Variants in CCDC85A observed in about 807,000 individuals in gnomAD.
CCDC85A encodes coiled-coil domain-containing protein 85A.
Under a neutral mutation model 50.2 loss-of-function variants are expected in CCDC85A, and 38 were observed. The observed-to-expected ratio is 0.76, with a 90% confidence interval of 0.58 to 0.99. The LOEUF (loss-of-function observed/expected upper bound fraction) is 0.99. Among genes scored for constraint, CCDC85A ranks in the 50% least tolerant of loss-of-function variants. CCDC85A has a pLI of 0.00. For missense variants in CCDC85A, 820 were observed against 742.0 expected (o/e 1.11, Z -1.22); for synonymous variants, 366 against 301.4 (o/e 1.21, Z -2.22).
At chr2:56,271,254 T>G (rs1670682856) in intron 2 of CCDC85A, among the ~76,000 whole-genome samples, 1 of 152,142 alleles carries the variant, frequency 6.6e-6, no homozygotes, top group African/African-American at 2.4e-5. Flanking sequence ...ATAATTTGAG[T>G]AATGAATTGC....
intron 3 of CCDC85A, among the ~76,000 whole-genome samples, chr2:56,348,935 A>T (rs1461828717): frequency 6.6e-6 from 1 of 152,012 alleles, no homozygotes; most frequent in Non-Finnish European, 1.5e-5. Flanking sequence ...GCTCTTTTAG[A>T]GTTGGAATTG....
intron 2 of CCDC85A, among the ~76,000 whole-genome samples, chr2:56,326,054 G>T (rs1251797352): frequency 6.6e-6 from 1 of 152,036 alleles, no homozygotes; most frequent in African/African-American, 2.4e-5. Flanking sequence ...ACTTGGTGCC[G>T]ATCAAATTCT....
intron 2 of CCDC85A, among the ~76,000 whole-genome samples, chr2:56,314,727 A>G (rs965931720): frequency 1.1e-4 from 17 of 152,270 alleles, no homozygotes; most frequent in South Asian, 1.0e-3. Flanking sequence ...CTGCCATTTG[A>G]GCATACCCAT....
At chr2:56,269,992 G>A (rs955898310) in intron 2 of CCDC85A, among the ~76,000 whole-genome samples, 1 of 152,172 alleles carries the variant, frequency 6.6e-6, no homozygotes, top group Non-Finnish European at 1.5e-5. Flanking sequence ...CACAGTAGTG[G>A]CATTGCCAAG....
chr2:56,248,123 A>G (rs1440646524), intron 2 of CCDC85A, among the ~76,000 whole-genome samples: 2 of 152,216 alleles, frequency 1.3e-5, no homozygotes, highest in Non-Finnish European at 1.5e-5. Flanking sequence ...TAGATGTCTC[A>G]ATTTCTGGAA....
chr2:56,192,750 C>G lies in CCDC85A; in HGVS notation c.550C>G (p.Arg184Gly), dbSNP rs759658736. Reference sequence around the variant, plus strand: ...GAAGGGTGCAGGCTGCGCAGGCAGCCGCTGCTCCATCGACAGCCAGGCCAG... The same window carrying G: ...GAAGGGTGCAGGCTGCGCAGGCAGCGGCTGCTCCATCGACAGCCAGGCCAG... ...EEKGAGCAGS[R>G]CSIDSQASLC... Residue 184 changes from arginine (R) to glycine (G), a missense_variant, in exon 2 of 6, where the codon CGC (arginine) becomes GGC (glycine). Coordinates refer to ENST00000407595, the MANE Select transcript of CCDC85A (RefSeq NM_001080433.2). The surrounding 1 kb of genome is among the most constrained non-coding windows in gnomAD (Gnocchi z 4.7). 3 of 1,613,158 alleles carry G rather than the reference C, an allele frequency of 1.9e-6. No homozygotes were observed. The highest frequency in any genetic ancestry group is 2.5e-6 in the Non-Finnish European group (3 of 1,179,678).
At chr2:56,241,403 C>G (rs1669253005) in intron 2 of CCDC85A, among the ~76,000 whole-genome samples, 1 of 152,082 alleles carries the variant, frequency 6.6e-6, no homozygotes, top group African/African-American at 2.4e-5. Context: ...GTTGTGCTAT[C>G]AAATACCAGA....
At chr2:56,236,898 T>C (rs183854726) in intron 2 of CCDC85A, among the ~76,000 whole-genome samples, 15 of 152,272 alleles carry the variant, frequency 9.9e-5, no homozygotes, top group Admixed American at 2.0e-4. Flanking sequence ...TTAGATTGTC[T>C]TTCAGGGAAG....
chr2:56,327,520 A>G (rs1037258002), intron 2 of CCDC85A, among the ~76,000 whole-genome samples: 7 of 152,128 alleles, frequency 4.6e-5, no homozygotes, highest in African/African-American at 1.7e-4. Context: ...AAGATTTGTC[A>G]TATTCGCCTT....
chr2:56,369,996 T>C (rs963681466), intron 3 of CCDC85A, among the ~76,000 whole-genome samples: 2 of 152,158 alleles, frequency 1.3e-5, no homozygotes, highest in Non-Finnish European at 1.5e-5. Flanking sequence ...ACAGAGTAAG[T>C]AATCTATAAT....
At chr2:56,322,588 A>G (rs1432451800) in intron 2 of CCDC85A, among the ~76,000 whole-genome samples, 2 of 152,188 alleles carry the variant, frequency 1.3e-5, no homozygotes, top group Non-Finnish European at 2.9e-5. Flanking sequence ...CCAAAACCAC[A>G]ATGAGATACC....
chr2:56,228,718 A>G (rs1668649805), intron 2 of CCDC85A, among the ~76,000 whole-genome samples: 1 of 151,994 alleles, frequency 6.6e-6, no homozygotes, highest in African/African-American at 2.4e-5. Context: ...TGTTTTTAGT[A>G]GAGACACGGT....
chr2:56,225,778 C>T (rs1394624438), intron 2 of CCDC85A, among the ~76,000 whole-genome samples: 1 of 152,134 alleles, frequency 6.6e-6, no homozygotes, highest in African/African-American at 2.4e-5. Flanking sequence ...CATGGGATGT[C>T]CATCTTGCTA....
At chr2:56,278,864 C>T (rs979191158) in intron 2 of CCDC85A, among the ~76,000 whole-genome samples, 60 of 152,310 alleles carry the variant, frequency 3.9e-4, no homozygotes, top group African/African-American at 1.1e-3. Flanking sequence ...TGAGCCTCCG[C>T]GCCAGACACT....
intron 2 of CCDC85A, among the ~76,000 whole-genome samples, chr2:56,205,182 A>G (rs746827706): frequency 3.2e-4 from 49 of 152,110 alleles, no homozygotes; most frequent in Admixed American, 2.6e-4. Context: ...CTGTCTTTGT[A>G]CTAGATGGGA....
Position 56,318,391 on chromosome 2 carries a change from C to G in CCDC85A, c.1241-24488C>G, listed in dbSNP as rs1243856500. 2.0e-5 allele frequency among the ~76,000 whole-genome samples: 3 copies of G among 152,010 alleles called. No individual in the cohort carries two copies. In the East Asian group the frequency reaches 5.8e-4, roughly 30 times the overall value. The stretch of plus-strand genomic sequence containing the variant: ...TCAGTGTAGAATGCTCATCCTCTAA[C>G]CACGACTGGCTTTCATTCATTCATT... On this transcript the variant is annotated intron_variant, in intron 2 of 5. Transcript: ENST00000407595.
chr2:56,386,087 A>C lies in CCDC85A; in HGVS notation c.*1732A>C, dbSNP rs1676806539. Reference sequence around the variant, plus strand: ...CTTGTGTAAATTTTGATACTGTATTAAAACTATTTTTTTAAAGTTCTGCAT... The same window carrying C: ...CTTGTGTAAATTTTGATACTGTATTCAAACTATTTTTTTAAAGTTCTGCAT... On this transcript the variant is annotated 3_prime_UTR_variant, in exon 6 of 6. Transcript: ENST00000407595. 1 of 152,228 alleles carries C rather than the reference A, an allele frequency of 6.6e-6. No individual in the cohort carries two copies. The highest frequency in any genetic ancestry group is 1.5e-5 in the Non-Finnish European group (1 of 67,824). The allele number at this position is 152,228 out of a possible 1,614,324, so 9.4% of individuals were successfully genotyped here.
In CCDC85A at chr2:56,192,394, C is replaced by T. The variant is rs1309245122; in HGVS notation, c.277-83C>T. 8 of 1,521,726 alleles carry T rather than the reference C, an allele frequency of 5.3e-6. No homozygotes were observed. The East Asian group carries it at 1.4e-4, about 26-fold the overall frequency. The allele number at this position is 1,521,726 out of a possible 1,614,324, so 94.3% of individuals were successfully genotyped here. ...AACCTCACAGGTAATTCACCAGTTA[C>T]AGGCTCTCCCTTTCCAGGAAGTCTG... On this transcript the variant is annotated intron_variant, in intron 1 of 5. Transcript: ENST00000407595. The surrounding 1 kb of genome is among the most constrained non-coding windows in gnomAD (Gnocchi z 4.7).
Position 56,222,101 on chromosome 2 carries a change from T to C in CCDC85A, c.1240+28661T>C, listed in dbSNP as rs1344997184. ...TCTTAAAAGCCCCATCTCTTTACAC[T>C]GTTGCTTCGGGGGTTAAGTTCCCAA... On this transcript the variant is annotated intron_variant, in intron 2 of 5. Transcript: ENST00000407595. Among the ~76,000 whole-genome samples, 5 of 152,236 alleles carry C rather than the reference T, an allele frequency of 3.3e-5. No individual in the cohort carries two copies. In the East Asian group the frequency reaches 9.7e-4, roughly 29 times the overall value.
Sources: allele counts gnomAD v4.1 joint callset (sites outside exome capture counted in the v4.1 genomes callset), GRCh38; gene constraint gnomAD v4.1.1; non-coding constraint Gnocchi (gnomAD v3.1); transcripts MANE v1.5; gene names NCBI Gene and HGNC (gene_info 2026-07-23, HGNC 2026-07-21).